Variants in TMEM26 observed in about 807,000 individuals in gnomAD.
TMEM26 encodes the protein transmembrane protein 26.
TMEM26 carries 38 observed loss-of-function variants against 28.8 expected under a neutral mutation model. That is an observed-to-expected ratio of 1.32 (90% confidence interval 1.02 to 1.73). The LOEUF (loss-of-function observed/expected upper bound fraction) is 1.73. Ranked by LOEUF, TMEM26 falls within the 40% of genes most tolerant of loss-of-function variation. The pLI is 0.00. For missense variants in TMEM26, 518 were observed against 447.1 expected (o/e 1.16, Z -1.43); for synonymous variants, 227 against 182.9 (o/e 1.24, Z -1.95).
At chr10:61,413,427 C>A (rs1462262753) in intron 5 of TMEM26, 32 bp downstream of exon 5, 5 of 1,601,520 alleles carry the variant, frequency 3.1e-6, no homozygotes, top group Non-Finnish European at 3.4e-6. Context: ...GTGTAATTTT[C>A]TATTTCTTTG....
intron 4 of TMEM26, among the ~76,000 whole-genome samples, chr10:61,425,052 T>A (rs1023840625): frequency 1.3e-5 from 2 of 151,564 alleles, no homozygotes; most frequent in African/African-American, 4.9e-5. Context: ...GGAAAAAGAG[T>A]TTAATGGACT....
chr10:61,427,434 G>A (rs936479023), intron 4 of TMEM26, among the ~76,000 whole-genome samples: 3 of 152,062 alleles, frequency 2.0e-5, no homozygotes, highest in African/African-American at 4.8e-5. Flanking sequence ...AGTAGTGGGT[G>A]AGTGAAAAAA....
At chr10:61,418,031 T>C (rs1253862030) in intron 4 of TMEM26, among the ~76,000 whole-genome samples, 2 of 152,016 alleles carry the variant, frequency 1.3e-5, no homozygotes, top group Non-Finnish European at 2.9e-5. Flanking sequence ...TCTGAAGCAT[T>C]CTTACCCACA....
chr10:61,439,336 C>T (rs12265711), intron 1 of TMEM26, among the ~76,000 whole-genome samples: 1 of 152,112 alleles, frequency 6.6e-6, no homozygotes, highest in Admixed American at 6.5e-5. Flanking sequence ...TATCTCTTTC[C>T]TCTTCCCACT....
At chr10:61,414,808 A>T (rs1044928623) in intron 4 of TMEM26, 1 of 214,920 alleles carries the variant, frequency 4.7e-6, no homozygotes, top group Non-Finnish European at 8.0e-6. Context: ...CTCTTAAAAA[A>T]TATAGTTAGG....
chr10:61,418,837 A>G (rs1839696726), intron 4 of TMEM26, among the ~76,000 whole-genome samples: 1 of 152,096 alleles, frequency 6.6e-6, no homozygotes, highest in Non-Finnish European at 1.5e-5. Context: ...TGACTGAGAA[A>G]CTGCAGGCAT....
intron 4 of TMEM26, among the ~76,000 whole-genome samples, chr10:61,423,228 A>T (rs1346808723): frequency 1.3e-5 from 2 of 152,164 alleles, no homozygotes; most frequent in Admixed American, 1.3e-4. Flanking sequence ...CACAAAATAA[A>T]CTTGGTCCAG....
chr10:61,434,648 A>G (rs1283534238), intron 2 of TMEM26, among the ~76,000 whole-genome samples: 1 of 152,234 alleles, frequency 6.6e-6, no homozygotes, highest in Non-Finnish European at 1.5e-5. Context: ...TGCTACAGAC[A>G]TAGGGATAGC....
chr10:61,445,951 T>C (rs569651953), intron 1 of TMEM26, among the ~76,000 whole-genome samples: 1 of 152,310 alleles, frequency 6.6e-6, no homozygotes, highest in South Asian at 2.1e-4. Context: ...TACTGACTTA[T>C]AGGAGCTGCC....
chr10:61,447,824 A>G (rs1049763280), intron 1 of TMEM26, among the ~76,000 whole-genome samples: 4 of 152,048 alleles, frequency 2.6e-5, no homozygotes, highest in Non-Finnish European at 5.9e-5. Context: ...CTCTCTGACC[A>G]TCCAGTGGCA....
intron 4 of TMEM26, chr10:61,413,812 G>C: frequency 9.4e-7 from 1 of 1,063,412 alleles, no homozygotes; most frequent in Middle Eastern, 4.4e-4. Flanking sequence ...CAAAATTATG[G>C]AAACATTATG....
In TMEM26 at chr10:61,407,333, G is replaced by A. The variant is rs1264881579; in HGVS notation, c.*2989C>T. 6.6e-6 allele frequency: 1 copy of A among 152,052 alleles called. No homozygotes were observed. The highest frequency in any genetic ancestry group is 2.4e-5 in the African/African-American group (1 of 41,388). 9.4% of individuals were successfully genotyped at this position (152,052 alleles called of 1,614,324 possible). A position where few individuals can be genotyped will look rare whatever the true frequency, so the allele number is the denominator to read the frequency against. On this transcript the variant is annotated 3_prime_UTR_variant, in exon 6 of 6. Transcript: ENST00000399298. ...GGCCATATCTATATGGTTCTATAAG[G>A]TCTGAAGTGCTATTTGTTAGTGGAA...
chr10:61,452,863 C>A (rs369485388), intron 1 of TMEM26, 28 bp downstream of exon 1: 22 of 1,600,464 alleles, frequency 1.4e-5, no homozygotes, highest in Non-Finnish European at 1.9e-5. Context: ...GGGCCCCGTG[C>A]GCCCTCGCTT....
chr10:61,421,903 A>C (rs1202741275), intron 4 of TMEM26, among the ~76,000 whole-genome samples: 1 of 152,170 alleles, frequency 6.6e-6, no homozygotes, highest in Non-Finnish European at 1.5e-5. Flanking sequence ...GCAAGATCCA[A>C]CTATAAGCTG....
At chr10:61,426,721 T>G (rs1431189122) in intron 4 of TMEM26, among the ~76,000 whole-genome samples, 1 of 152,092 alleles carries the variant, frequency 6.6e-6, no homozygotes. Context: ...AAGTGATCCC[T>G]TCTTCTATTA....
At chr10:61,447,141 A>G (rs1840198599) in intron 1 of TMEM26, among the ~76,000 whole-genome samples, 1 of 152,194 alleles carries the variant, frequency 6.6e-6, no homozygotes, top group Non-Finnish European at 1.5e-5. Flanking sequence ...AGTTGGCCAT[A>G]TGGAAGTCAC....
At chr10:61,412,862 G>A (rs776222923) in intron 5 of TMEM26, 1 of 1,075,920 alleles carries the variant, frequency 9.3e-7, no homozygotes, top group South Asian at 1.4e-5. Context: ...AGTATAAAAT[G>A]CCTGGGAAAC....
chr10:61,418,088 A>G (rs1433101491), intron 4 of TMEM26, among the ~76,000 whole-genome samples: 1 of 151,930 alleles, frequency 6.6e-6, no homozygotes, highest in East Asian at 1.9e-4. Context: ...TTTTAATTGT[A>G]CTGAATGAAG....
intron 4 of TMEM26, chr10:61,416,248 T>A (rs938209630): frequency 2.7e-6 from 1 of 372,030 alleles, no homozygotes; most frequent in Middle Eastern, 9.2e-4. Flanking sequence ...AAAAACTATG[T>A]GCAATTTGCC....
Sources: allele counts gnomAD v4.1 joint callset (sites outside exome capture counted in the v4.1 genomes callset), GRCh38; gene constraint gnomAD v4.1.1; transcripts MANE v1.5; gene names NCBI Gene and HGNC (gene_info 2026-07-23, HGNC 2026-07-21).